Variants in MAML3 observed in about 807,000 individuals in gnomAD.
The protein encoded by MAML3 is mastermind-like protein 3.
MAML3 carries 27 observed loss-of-function variants against 101.9 expected under a neutral mutation model. That is an observed-to-expected ratio of 0.27 (90% CI 0.20 to 0.37). The LOEUF (loss-of-function observed/expected upper bound fraction) is 0.37, where lower values mean the gene tolerates loss of function less well. MAML3 is among the 10% of genes least tolerant of loss of function. The probability of loss-of-function intolerance (pLI) is 1.00; values close to 1 mark genes in which losing one functional copy is unlikely to be tolerated. For synonymous variants in MAML3, 501 were observed against 555.9 expected (o/e 0.90, Z 1.39); for missense variants, 1,316 against 1,444.9 (o/e 0.91, Z 1.45).
intron 1 of MAML3, among the ~76,000 whole-genome samples, chr4:140,030,755 T>C (rs1726894493): frequency 6.6e-6 from 1 of 151,926 alleles, no homozygotes. Context: ...GCTCCAGGGG[T>C]AGGGAGTTCT....
intron 1 of MAML3, among the ~76,000 whole-genome samples, chr4:139,972,607 GAGA>G (rs1233302123): frequency 2.0e-5 from 3 of 152,222 alleles, no homozygotes; most frequent in Admixed American, 2.0e-4. Flanking sequence ...GCTAAAATGA[GAGA>G]AGGTTTTGGG....
chr4:139,875,245 G>A (rs1379849332), intron 2 of MAML3, among the ~76,000 whole-genome samples: 3 of 152,180 alleles, frequency 2.0e-5, no homozygotes, highest in Non-Finnish European at 4.4e-5. Context: ...TCTACACTCT[G>A]CCACCCTCCC....
chr4:139,963,511 G>A (rs554344499), intron 1 of MAML3, among the ~76,000 whole-genome samples: 79 of 152,230 alleles, frequency 5.2e-4, no homozygotes, highest in African/African-American at 1.8e-3. Flanking sequence ...ATGAAACATC[G>A]GTATGAAGCA....
chr4:139,961,447 C>T (rs190097112), intron 1 of MAML3, among the ~76,000 whole-genome samples: 176 of 152,282 alleles, frequency 1.2e-3, no homozygotes, highest in Middle Eastern at 3.4e-3. Context: ...ATCCTGGAGT[C>T]GAAACAGAAT....
At chr4:140,092,090 A>ATACG (rs1560890821) in intron 1 of MAML3, among the ~76,000 whole-genome samples, 29 of 66,888 alleles carry the variant, frequency 4.3e-4, no homozygotes, top group Admixed American at 1.1e-3. Flanking sequence ...ATATATACGT[A>ATACG]TATATATATA....
rs1312906531 is a variant in MAML3 at position 139,890,197 on chromosome 4, A to G, written c.1239T>C (p.Cys413=). The G allele has an allele frequency of 1.2e-6, 2 of 1,613,320 alleles. No individual in the cohort carries two copies. Among genetic ancestry groups the G allele is most frequent in the Non-Finnish European group, 1.7e-6 (2 of 1,179,896 alleles). The change falls in exon 2 of 5, where the codon TGT becomes TGC. Residue 413 remains cysteine, a synonymous_variant. Coordinates refer to ENST00000509479, the MANE Select transcript of MAML3 (RefSeq NM_018717.5). The surrounding 1 kb of genome is among the most constrained non-coding windows in gnomAD (Gnocchi z 4.1). ...TTGGAGTTTGAGGGGACTGGACAGC[A>G]CAGTTTGCTGGTGAGCTTGCAGGGT... The part of the protein sequence containing the change: ...APNPASSPAN[C]AVQSPQTPNQ...
At chr4:140,072,670 C>CAAA (rs11351354) in intron 1 of MAML3, among the ~76,000 whole-genome samples, 2 of 111,958 alleles carry the variant, frequency 1.8e-5, no homozygotes, top group Non-Finnish European at 1.9e-5. Flanking sequence ...AACTCCGTCT[C>CAAA]AAAAAAAAAA....
chr4:140,121,575 C>T (rs1560900162), intron 1 of MAML3, among the ~76,000 whole-genome samples: 1 of 152,192 alleles, frequency 6.6e-6, no homozygotes, highest in Non-Finnish European at 1.5e-5. Flanking sequence ...TACGCTGATA[C>T]TCAATATGGC....
In MAML3 at chr4:139,735,090, C is replaced by G. The variant is rs114322631; in HGVS notation, c.2080-4423G>C. Among the ~76,000 whole-genome samples, 56 of 152,320 alleles carry G rather than the reference C, an allele frequency of 3.7e-4. No homozygotes were observed. Among genetic ancestry groups the G allele is most frequent in the African/African-American group, 1.3e-3 (54 of 41,582 alleles). On this transcript the variant is annotated intron_variant, in intron 2 of 4. Coordinates refer to ENST00000509479, the MANE Select transcript of MAML3 (RefSeq NM_018717.5). The surrounding 1 kb of genome is among the most constrained non-coding windows in gnomAD (Gnocchi z 5.8). ...GCCCCTCCGCGGCCCCCGCCCCGCG[C>G]GTCTGGGCGAGCGCTGCGAACGTGG...
At chr4:140,041,777 AT>A (rs1347652986) in intron 1 of MAML3, among the ~76,000 whole-genome samples, 2 of 152,128 alleles carry the variant, frequency 1.3e-5, no homozygotes, top group African/African-American at 2.4e-5. Flanking sequence ...TGGGGAAAAT[AT>A]TTTTTTAAGT....
Position 140,032,401 on chromosome 4 carries a change from T to G in MAML3, c.468+120459A>C, listed in dbSNP as rs566855121. Among the ~76,000 whole-genome samples, 4 of 152,354 alleles carry G rather than the reference T, an allele frequency of 2.6e-5. No individual in the cohort carries two copies. The South Asian group carries it at 8.3e-4, about 32-fold the overall frequency. ...CATTGAATGTAGACTGATTTTAACC[T>G]GAATGAAAACTTCAGACTTGAAATT... On this transcript the variant is annotated intron_variant, in intron 1 of 4. Coordinates refer to ENST00000509479, the MANE Select transcript of MAML3 (RefSeq NM_018717.5).
intron 1 of MAML3, among the ~76,000 whole-genome samples, chr4:139,909,098 C>CGAACTG (rs1336456053): frequency 1.3e-5 from 2 of 152,176 alleles, no homozygotes; most frequent in African/African-American, 4.8e-5. Context: ...CTCCTGCACT[C>CGAACTG]GAACTGGAGT....
At chr4:140,136,428 C>G (rs1371935542) in intron 1 of MAML3, among the ~76,000 whole-genome samples, 2 of 152,158 alleles carry the variant, frequency 1.3e-5, no homozygotes, top group Non-Finnish European at 2.9e-5. Context: ...TAATTTAACC[C>G]AGGGAGAAAG....
chr4:139,889,758 T>C lies in MAML3; in HGVS notation c.1678A>G (p.Asn560Asp), dbSNP rs775500979. Residue 560 changes from asparagine to aspartate, a missense_variant, in exon 2 of 5, where the codon AAC becomes GAC. By Grantham distance (23) the Asn-to-Asp change is conservative. Transcript: ENST00000509479. ...TTATTCATTGTTGTCTTCTGCAGGTTGTTTGCCATTGGAGGCACTATAGGG... is the reference window on the plus strand; with the variant it reads ...TTATTCATTGTTGTCTTCTGCAGGTCGTTTGCCATTGGAGGCACTATAGGG... ...QNPIVPPMAN[N>D]LQKTTMNNYL... 1 of 1,614,058 alleles carries C rather than the reference T, an allele frequency of 6.2e-7. No individual in the cohort carries two copies. Among genetic ancestry groups the C allele is most frequent in the Non-Finnish European group, 8.5e-7 (1 of 1,179,892 alleles).
chr4:139,768,839 C>T (rs1274001147), intron 2 of MAML3, among the ~76,000 whole-genome samples: 1 of 152,238 alleles, frequency 6.6e-6, no homozygotes, highest in Non-Finnish European at 1.5e-5. Flanking sequence ...CACTCTTCAA[C>T]ATCCTGCTTC....
chr4:139,719,710 G>A lies in MAML3; in HGVS notation c.3030C>T (p.Val1010=), dbSNP rs558784034. The A allele has an allele frequency of 7.4e-5, 120 of 1,613,650 alleles. 2 individuals carry two copies. In the South Asian group the frequency reaches 1.1e-3, roughly 14 times the overall value. Reference sequence around the variant, plus strand: ...TCACTGTGCCCGTGTTAGCATCCACGACTGACTGGCTCAGTCCCTGTGGGA... The same window carrying A: ...TCACTGTGCCCGTGTTAGCATCCACAACTGACTGGCTCAGTCCCTGTGGGA... ...QHFPQGLSQS[V]VDANTGTVRT... The change falls in exon 5 of 5, where the codon GTC becomes GTT. Residue 1010 remains valine (V), a synonymous_variant. Transcript: ENST00000509479.
rs1366473941 is a variant in MAML3 at position 139,813,805 on chromosome 4, C to T, written c.2079+75552G>A. Among the ~76,000 whole-genome samples the T allele has an allele frequency of 2.6e-5, 4 of 151,754 alleles. No individual in the cohort carries two copies. The South Asian group carries it at 6.2e-4, about 24-fold the overall frequency. Reference sequence around the variant, plus strand: ...ATGCAGGACTCCAGAAGGAAGGATCCCAGAAAGAAAAAGAAATGGATTGAT... The same window carrying T: ...ATGCAGGACTCCAGAAGGAAGGATCTCAGAAAGAAAAAGAAATGGATTGAT... On this transcript the variant is annotated intron_variant, in intron 2 of 4. Coordinates refer to ENST00000509479, the MANE Select transcript of MAML3 (RefSeq NM_018717.5).
At chr4:139,888,270 C>T (rs543580356) in intron 2 of MAML3, among the ~76,000 whole-genome samples, 1 of 152,182 alleles carries the variant, frequency 6.6e-6, no homozygotes. Context: ...TTCTAAAGTA[C>T]TCAACTGTGG....
chr4:139,847,194 T>C (rs1731465878), intron 2 of MAML3, among the ~76,000 whole-genome samples: 1 of 152,314 alleles, frequency 6.6e-6, no homozygotes, highest in South Asian at 2.1e-4. Flanking sequence ...TGTATCTATA[T>C]TGTGTAAAAA....
Sources: gnomAD v4.1 joint callset for allele counts (sites outside exome capture counted in the v4.1 genomes callset) on GRCh38, gnomAD v4.1.1 for gene constraint, Gnocchi (gnomAD v3.1) non-coding constraint, MANE v1.5 for transcripts, NCBI Gene and HGNC (gene_info 2026-07-23, HGNC 2026-07-21) for gene names.